SNTB2: variants seen among roughly 807,000 people sequenced by gnomAD.
The protein encoded by SNTB2 is syntrophin beta 2.
SNTB2 carries 34 observed loss-of-function variants against 46.2 expected under a neutral mutation model. That is an observed-to-expected ratio of 0.74 (90% CI 0.56 to 0.98). The LOEUF (loss-of-function observed/expected upper bound fraction) is 0.98, where lower values mean the gene tolerates loss of function less well. SNTB2 is among the 50% of genes least tolerant of loss of function. SNTB2 has a pLI of 0.00. For synonymous variants in SNTB2, 290 were observed against 312.6 expected (o/e 0.93, Z 0.76); for missense variants, 603 against 731.4 (o/e 0.82, Z 2.02).
intron 1 of SNTB2, among the ~76,000 whole-genome samples, chr16:69,243,266 A>G (rs1246082782): frequency 1.3e-5 from 2 of 152,190 alleles, no homozygotes; most frequent in Non-Finnish European, 2.9e-5. Context: ...AGGCCTTAAC[A>G]TAGGACTGAA....
At chr16:69,234,659 G>T (rs1032040340) in intron 1 of SNTB2, among the ~76,000 whole-genome samples, 3 of 151,348 alleles carry the variant, frequency 2.0e-5, no homozygotes, top group African/African-American at 7.3e-5. Context: ...AACAAAACCA[G>T]AGTACGGAGA....
chr16:69,194,361 G>A (rs923137524), intron 1 of SNTB2, among the ~76,000 whole-genome samples: 2 of 151,964 alleles, frequency 1.3e-5, no homozygotes. Context: ...CCATTTTAGT[G>A]TTTTGTAACA....
intron 2 of SNTB2, among the ~76,000 whole-genome samples, chr16:69,250,647 A>G (rs1175931380): frequency 6.6e-6 from 1 of 152,152 alleles, no homozygotes; most frequent in African/African-American, 2.4e-5. Flanking sequence ...CTGTAATCCT[A>G]GCACTTTGGG....
intron 2 of SNTB2, 73 bp from the exon 3 acceptor site, chr16:69,259,977 T>A: frequency 9.9e-7 from 1 of 1,012,604 alleles, no homozygotes; most frequent in Non-Finnish European, 1.6e-6. Context: ...GATTTGCAGT[T>A]ATGTATTTTA....
chr16:69,240,253 G>C (rs1482378216), intron 1 of SNTB2, among the ~76,000 whole-genome samples: 2 of 152,148 alleles, frequency 1.3e-5, no homozygotes, highest in African/African-American at 4.8e-5. Context: ...TAGTGAATTT[G>C]CTATGTTATT....
intron 1 of SNTB2, among the ~76,000 whole-genome samples, chr16:69,223,527 C>G (rs1322989882): frequency 1.3e-5 from 2 of 152,048 alleles, no homozygotes; most frequent in African/African-American, 4.8e-5. Flanking sequence ...ACTACAGTCT[C>G]TTTATGGTTT....
chr16:69,245,821 G>T lies in SNTB2; in HGVS notation c.794+6G>T. ...ATGCCGGATCTGGAAAACAGGTGAG[G>T]TGTACCTAACAAGAACATCATACCT... On this transcript the variant is annotated splice_donor_region_variant and intron_variant, in intron 2 of 6. Transcript: ENST00000336278. 19 of 1,613,492 alleles carry T rather than the reference G, an allele frequency of 1.2e-5. No individual in the cohort carries two copies. The highest frequency in any genetic ancestry group is 1.6e-5 in the Non-Finnish European group (19 of 1,179,542).
intron 1 of SNTB2, among the ~76,000 whole-genome samples, chr16:69,232,776 C>G (rs1389202708): frequency 6.6e-6 from 1 of 152,044 alleles, no homozygotes; most frequent in Non-Finnish European, 1.5e-5. Context: ...TCCCAAAGTA[C>G]TGGGATTACA....
At chr16:69,190,320 AG>A (rs991460134) in intron 1 of SNTB2, among the ~76,000 whole-genome samples, 7 of 152,240 alleles carry the variant, frequency 4.6e-5, no homozygotes, top group Non-Finnish European at 7.3e-5. Context: ...ATCCCACACC[AG>A]GGAAAGCTAT....
At position 69,270,270 on chromosome 16, in the gene SNTB2, C is replaced by T. The variant is rs1964925093; in HGVS notation, c.1133C>T (p.Pro378Leu). Residue 378 changes from proline to leucine, a missense_variant, in exon 4 of 7, where the codon CCA becomes CTA. Transcript: ENST00000336278. ...TGGGCGTCACCATGCCACAGCTACC[C>T]ACTTGTTGCCACCAGGTAAGTAAGA... ...DAWASPCHSYPLVATRLVHSG... is the reference protein window; with the variant it reads ...DAWASPCHSYLLVATRLVHSG... The T allele has an allele frequency of 6.2e-7, 1 of 1,614,108 alleles. No homozygotes were observed. The highest frequency in any genetic ancestry group is 1.1e-5 in the South Asian group (1 of 91,086).
chr16:69,200,994 T>A (rs574503765), intron 1 of SNTB2, among the ~76,000 whole-genome samples: 10 of 152,326 alleles, frequency 6.6e-5, no homozygotes, highest in African/African-American at 2.2e-4. Flanking sequence ...GCCAATTCGT[T>A]TATATGTCAC....
chr16:69,296,593 A>G (rs1359640183), intron 5 of SNTB2, among the ~76,000 whole-genome samples: 1 of 150,018 alleles, frequency 6.7e-6, no homozygotes, highest in Non-Finnish European at 1.5e-5. Context: ...CTGGTGGCAC[A>G]TGCCTGTAAT....
At chr16:69,300,365 C>T (rs1489434591) in intron 6 of SNTB2, among the ~76,000 whole-genome samples, 1 of 152,134 alleles carries the variant, frequency 6.6e-6, no homozygotes, top group Non-Finnish European at 1.5e-5. Flanking sequence ...ATTCTGCTGC[C>T]TCAGCCTCCC....
intron 4 of SNTB2, among the ~76,000 whole-genome samples, chr16:69,279,876 T>TATTC (rs1965023029): frequency 6.6e-6 from 1 of 151,768 alleles, no homozygotes; most frequent in Admixed American, 6.6e-5. Context: ...TTAATTTATT[T>TATTC]ATTTATTGAT....
intron 5 of SNTB2, among the ~76,000 whole-genome samples, chr16:69,298,130 A>T (rs934202619): frequency 6.6e-6 from 1 of 151,982 alleles, no homozygotes; most frequent in Non-Finnish European, 1.5e-5. Context: ...TAGAAATGAG[A>T]TCTTGCCATG....
chr16:69,237,386 C>A (rs190293426), intron 1 of SNTB2, among the ~76,000 whole-genome samples: 2 of 151,968 alleles, frequency 1.3e-5, no homozygotes. Context: ...CATTGATAAC[C>A]CTTTAGAATG....
At chr16:69,290,909 C>T (rs1182441003) in intron 5 of SNTB2, among the ~76,000 whole-genome samples, 1 of 152,194 alleles carries the variant, frequency 6.6e-6, no homozygotes, top group Non-Finnish European at 1.5e-5. Flanking sequence ...ATGACTCACA[C>T]TTATGACCAG....
intron 1 of SNTB2, among the ~76,000 whole-genome samples, chr16:69,244,173 C>A (rs550753986): frequency 6.6e-6 from 1 of 152,142 alleles, no homozygotes; most frequent in Non-Finnish European, 1.5e-5. Context: ...TGAACAAGGT[C>A]TTCTTGATTC....
intron 2 of SNTB2, among the ~76,000 whole-genome samples, chr16:69,252,494 C>A (rs1567407543): frequency 1.3e-5 from 2 of 152,214 alleles, no homozygotes; most frequent in Admixed American, 6.5e-5. Flanking sequence ...AATCCGTGTT[C>A]TTTGCATTGG....
Sources: gnomAD v4.1 joint callset for allele counts (sites outside exome capture counted in the v4.1 genomes callset) on GRCh38, gnomAD v4.1.1 for gene constraint, MANE v1.5 for transcripts, NCBI Gene and HGNC (gene_info 2026-07-23, HGNC 2026-07-21) for gene names.